The following CNTNAP2 variants were observed in gnomAD, a reference collection of about 807,000 sequenced individuals.
The protein encoded by CNTNAP2 is contactin-associated protein-like 2.
CNTNAP2 carries 98 observed loss-of-function variants against 155.2 expected under a neutral mutation model. The ratio of observed to expected loss-of-function variants is 0.63; its 90% CI spans 0.54 to 0.75. The LOEUF is 0.75. CNTNAP2 is among the 30% of genes least tolerant of loss of function. The pLI is 0.00. For synonymous variants in CNTNAP2, 651 were observed against 631.2 expected (o/e 1.03, Z -0.47); for missense variants, 1,727 against 1,688.1 (o/e 1.02, Z -0.40).
chr7:146,362,912 A>G (rs186186876), intron 1 of CNTNAP2, among the ~76,000 whole-genome samples: 2,183 of 152,056 alleles, frequency 0.014, 46 homozygotes, highest in African/African-American at 0.05. Context: ...CTGGGACTAC[A>G]GGCGTGTGCC....
At chr7:147,979,678 A>G (rs1801488476) in intron 15 of CNTNAP2, among the ~76,000 whole-genome samples, 1 of 152,052 alleles carries the variant, frequency 6.6e-6, no homozygotes, top group Non-Finnish European at 1.5e-5. Flanking sequence ...GCTGGAGTAC[A>G]GCGGTACGAT....
intron 1 of CNTNAP2, among the ~76,000 whole-genome samples, chr7:146,426,145 C>CAG (rs1796084275): frequency 7.4e-6 from 1 of 135,566 alleles, no homozygotes. Flanking sequence ...AAGATCGCGC[C>CAG]ACTGCACTCC....
chr7:146,888,161 A>G (rs549001803), intron 3 of CNTNAP2, among the ~76,000 whole-genome samples: 60 of 152,150 alleles, frequency 3.9e-4, no homozygotes, highest in African/African-American at 1.4e-3. Flanking sequence ...AAATTATATA[A>G]TATTTCTTTA....
At chr7:146,306,312 G>C (rs1398939551) in intron 1 of CNTNAP2, among the ~76,000 whole-genome samples, 1 of 152,112 alleles carries the variant, frequency 6.6e-6, no homozygotes, top group Non-Finnish European at 1.5e-5. Flanking sequence ...AATTCTACCA[G>C]AGGGACAAAG....
chr7:148,328,907 C>T (rs1386271893), intron 21 of CNTNAP2, among the ~76,000 whole-genome samples: 6 of 135,084 alleles, frequency 4.4e-5, no homozygotes, highest in Admixed American at 8.8e-5. Flanking sequence ...ATCTGGGAGG[C>T]GGAGCTTGCA....
intron 1 of CNTNAP2, among the ~76,000 whole-genome samples, chr7:146,760,868 C>A (rs917088960): frequency 3.3e-5 from 5 of 151,948 alleles, no homozygotes; most frequent in African/African-American, 1.2e-4. Context: ...AATGAAGGAG[C>A]CGTTTCAGTG....
intron 1 of CNTNAP2, among the ~76,000 whole-genome samples, chr7:146,443,230 T>TA (rs1554434107): frequency 1.3e-4 from 19 of 147,772 alleles, no homozygotes; most frequent in African/African-American, 2.3e-4. Context: ...AATAAATAAA[T>TA]AATAAATAAA....
chr7:146,301,000 C>A (rs1318462466), intron 1 of CNTNAP2, among the ~76,000 whole-genome samples: 1 of 152,096 alleles, frequency 6.6e-6, no homozygotes, highest in Non-Finnish European at 1.5e-5. Context: ...TTAGCTTTCA[C>A]CTGAATTTTA....
intron 3 of CNTNAP2, among the ~76,000 whole-genome samples, chr7:146,935,387 A>G (rs986110245): frequency 1.2e-4 from 19 of 152,202 alleles, no homozygotes; most frequent in Admixed American, 1.1e-3. Flanking sequence ...TGAAAGCCCA[A>G]TGTAGGTGAG....
At chr7:146,549,071 T>G (rs962945607) in intron 1 of CNTNAP2, among the ~76,000 whole-genome samples, 7 of 151,418 alleles carry the variant, frequency 4.6e-5, no homozygotes, top group African/African-American at 1.7e-4. Flanking sequence ...TTTTTTTTTT[T>G]GCATGTGGAT....
chr7:147,680,251 C>T (rs560474268), intron 13 of CNTNAP2, among the ~76,000 whole-genome samples: 2 of 152,032 alleles, frequency 1.3e-5, no homozygotes, highest in Non-Finnish European at 1.5e-5. Flanking sequence ...TTCCTGGACA[C>T]TATGGTACTG....
At chr7:147,007,879 A>G (rs1798553195) in intron 3 of CNTNAP2, among the ~76,000 whole-genome samples, 1 of 152,182 alleles carries the variant, frequency 6.6e-6, no homozygotes, top group Admixed American at 6.6e-5. Flanking sequence ...AGCTTTTGAC[A>G]TAATAAAATA....
intron 1 of CNTNAP2, among the ~76,000 whole-genome samples, chr7:146,580,902 G>A (rs2191295): frequency 0.8 from 122,297 of 152,026 alleles, 49,735 homozygotes; most frequent in South Asian, 0.88. Context: ...ATTTGGCCAA[G>A]CGACACTCTC....
intron 16 of CNTNAP2, among the ~76,000 whole-genome samples, chr7:148,144,587 C>T (rs1805140346): frequency 6.6e-6 from 1 of 152,156 alleles, no homozygotes; most frequent in Non-Finnish European, 1.5e-5. Context: ...AACTTGTTAG[C>T]CTGCAAGTGG....
chr7:146,788,946 G>C (rs1183762799), intron 2 of CNTNAP2, among the ~76,000 whole-genome samples: 1 of 152,106 alleles, frequency 6.6e-6, no homozygotes, highest in Non-Finnish European at 1.5e-5. Context: ...GTCACCTGAA[G>C]ACATGTCCTG....
chr7:147,485,148 C>G (rs1234652250), intron 10 of CNTNAP2, among the ~76,000 whole-genome samples: 1 of 152,170 alleles, frequency 6.6e-6, no homozygotes, highest in East Asian at 1.9e-4. Context: ...TTTCAGAAAT[C>G]TAAAGCTTCC....
chr7:146,133,388 C>G (rs574623168), intron 1 of CNTNAP2, among the ~76,000 whole-genome samples: 59 of 152,148 alleles, frequency 3.9e-4, no homozygotes, highest in Non-Finnish European at 5.0e-4. Context: ...ATGGTTGTTT[C>G]TTTTGCTGTG....
rs117778934 is a variant in CNTNAP2 at position 148,240,751 on chromosome 7, A to G, written c.3381+10972A>G. 3.1e-4 allele frequency among the ~76,000 whole-genome samples: 47 copies of G among 152,302 alleles called. No homozygotes were observed. In the East Asian group the frequency reaches 8.7e-3, roughly 28 times the overall value. On this transcript the variant is annotated intron_variant, in intron 20 of 23. Coordinates refer to ENST00000361727, the MANE Select transcript of CNTNAP2 (RefSeq NM_014141.6). Reference sequence around the variant, plus strand: ...GCCAGTCAGATTCCTAAAACCTCAAAAGTAGGGAAGCCAACAGTACAGCCT... The same window carrying G: ...GCCAGTCAGATTCCTAAAACCTCAAGAGTAGGGAAGCCAACAGTACAGCCT...
intron 15 of CNTNAP2, among the ~76,000 whole-genome samples, chr7:148,015,426 C>A (rs1585078687): frequency 6.6e-6 from 1 of 152,272 alleles, no homozygotes; most frequent in African/African-American, 2.4e-5. Flanking sequence ...GCTCCTAAAT[C>A]CAAGGACACA....
Sources: gnomAD v4.1 joint callset for allele counts (sites outside exome capture counted in the v4.1 genomes callset) on GRCh38, gnomAD v4.1.1 for gene constraint, MANE v1.5 for transcripts, NCBI Gene and HGNC (gene_info 2026-07-23, HGNC 2026-07-21) for gene names.